Variants in EDDM13 observed in about 807,000 individuals in gnomAD.
EDDM13 encodes the protein epididymal protein 13.
Under a neutral mutation model 17.8 loss-of-function variants are expected in EDDM13, and 24 were observed. The observed-to-expected ratio is 1.35, with a 90% CI of 0.98 to 1.90. EDDM13 has a LOEUF of 1.90. Among genes scored for constraint, EDDM13 ranks in the 40% most tolerant of loss-of-function variants. The pLI is 0.00. For synonymous variants in EDDM13, 31 were observed against 37.5 expected (o/e 0.83, Z 0.63); for missense variants, 97 against 100.8 (o/e 0.96, Z 0.16).
At chr19:56,301,194 C>G (rs1175929947) in intron 12 of EDDM13, among the ~76,000 whole-genome samples, 1 of 152,178 alleles carries the variant, frequency 6.6e-6, no homozygotes, top group Non-Finnish European at 1.5e-5. Flanking sequence ...ACTGGCTACT[C>G]CATAGGCAGA....
chr19:56,296,773 C>T (rs538839733), intron 11 of EDDM13, among the ~76,000 whole-genome samples: 1 of 152,096 alleles, frequency 6.6e-6, no homozygotes, highest in Non-Finnish European at 1.5e-5. Context: ...GTGGCTCATG[C>T]CTGTAATCCC....
intron 2 of EDDM13, among the ~76,000 whole-genome samples, chr19:56,278,096 G>A (rs2038400485): frequency 7.9e-6 from 1 of 127,040 alleles, no homozygotes. Context: ...CTGTCACAAT[G>A]TGCTATTTTT....
intron 1 of EDDM13, among the ~76,000 whole-genome samples, chr19:56,273,650 T>C (rs2038023239): frequency 6.6e-6 from 1 of 152,070 alleles, no homozygotes; most frequent in South Asian, 2.1e-4. Flanking sequence ...CAGAAGGCAC[T>C]GAGTCCCTCC....
At chr19:56,298,933 CCTAGA>C (rs746723759) in intron 12 of EDDM13, among the ~76,000 whole-genome samples, 1 of 152,112 alleles carries the variant, frequency 6.6e-6, no homozygotes, top group African/African-American at 2.4e-5. Flanking sequence ...GATGGAAAAT[CCTAGA>C]CTAAATATTA....
intron 8 of EDDM13, among the ~76,000 whole-genome samples, chr19:56,290,137 T>G (rs1402607406): frequency 1.3e-5 from 2 of 152,228 alleles, no homozygotes; most frequent in Non-Finnish European, 2.9e-5. Context: ...ACCTTCTGCA[T>G]GAGAATACCA....
At chr19:56,287,904 G>T (rs1433863970) in intron 6 of EDDM13, among the ~76,000 whole-genome samples, 3 of 152,210 alleles carry the variant, frequency 2.0e-5, no homozygotes, top group Non-Finnish European at 2.9e-5. Context: ...AAGCTACAGT[G>T]ACCAGCTCGT....
chr19:56,289,448 C>T (rs1169414531), intron 8 of EDDM13, among the ~76,000 whole-genome samples: 4 of 152,100 alleles, frequency 2.6e-5, no homozygotes, highest in Admixed American at 6.5e-5. Context: ...GGAAGACAGA[C>T]GTATTTATAC....
At chr19:56,302,434 T>C (rs1600234021) in intron 13 of EDDM13, among the ~76,000 whole-genome samples, 2 of 112,932 alleles carry the variant, frequency 1.8e-5, no homozygotes, top group Admixed American at 8.6e-5. Flanking sequence ...CTTTCTCCCT[T>C]CCTTCCTTTC....
rs890130956 is a variant in EDDM13, at chr19:56,274,742, C to T, written c.86-1350C>T. ...TATTTGAGGATCCAATCCAGGATCC[C>T]ACCTTGTATTTTCAATTAAGTTTTT... On this transcript the variant is annotated intron_variant, in intron 1 of 14. Transcript: ENST00000649256. The T allele has an allele frequency of 2.7e-5, 4 of 147,728 alleles. No individual in the cohort carries two copies. The East Asian group carries it at 7.8e-4, about 29-fold the overall frequency. The allele number at this position is 147,728 out of a possible 1,614,324, so 9.2% of individuals were successfully genotyped here.
At chr19:56,278,302 T>C (rs1294924613) in intron 2 of EDDM13, among the ~76,000 whole-genome samples, 3 of 152,152 alleles carry the variant, frequency 2.0e-5, no homozygotes, top group African/African-American at 7.2e-5. Context: ...CCTGGCTAAT[T>C]TTTGTATATT....
At chr19:56,278,217 G>T (rs1256853697) in intron 2 of EDDM13, among the ~76,000 whole-genome samples, 1 of 152,060 alleles carries the variant, frequency 6.6e-6, no homozygotes, top group East Asian at 1.9e-4. Flanking sequence ...TGCCTCCTGG[G>T]TTCAAGCAAT....
At chr19:56,302,128 T>C in intron 13 of EDDM13, 33 bp downstream of exon 13, 1 of 1,226,878 alleles carries the variant, frequency 8.2e-7, no homozygotes, top group East Asian at 3.2e-5. Flanking sequence ...GGGAGGAGTG[T>C]GAGGAGAGGA....
intron 9 of EDDM13, among the ~76,000 whole-genome samples, chr19:56,291,250 C>T (rs554843166): frequency 3.7e-4 from 57 of 152,268 alleles, no homozygotes; most frequent in Admixed American, 2.2e-3. Flanking sequence ...TCCTGACCCT[C>T]GGGGGAGAAA....
intron 4 of EDDM13, 36 bp from the exon 5 acceptor site, chr19:56,284,162 C>A: frequency 1.0e-6 from 1 of 985,422 alleles, no homozygotes; most frequent in Non-Finnish European, 1.2e-6. Flanking sequence ...GTAACCTTGG[C>A]CACCATGCTG....
At chr19:56,305,004 C>T (rs1006127141) in intron 14 of EDDM13, among the ~76,000 whole-genome samples, 174 bp downstream of exon 14, 1 of 152,172 alleles carries the variant, frequency 6.6e-6, no homozygotes, top group Non-Finnish European at 1.5e-5. Context: ...TTGCAAGCCA[C>T]TGCCTGACAG....
At chr19:56,292,593 A>T (rs535780692) in intron 9 of EDDM13, among the ~76,000 whole-genome samples, 1 of 151,334 alleles carries the variant, frequency 6.6e-6, no homozygotes, top group African/African-American at 2.4e-5. Context: ...CACCTTAACC[A>T]CTTTAAAGTG....
chr19:56,278,038 G>GA (rs2147027849), intron 2 of EDDM13, among the ~76,000 whole-genome samples: 1 of 151,690 alleles, frequency 6.6e-6, no homozygotes, highest in Non-Finnish European at 1.5e-5. Flanking sequence ...AAATCTCTTT[G>GA]ATGTCTAGTT....
intron 12 of EDDM13, among the ~76,000 whole-genome samples, chr19:56,298,914 A>G (rs1258012977): frequency 6.6e-6 from 1 of 152,224 alleles, no homozygotes; most frequent in African/African-American, 2.4e-5. Context: ...AATCTTCCTC[A>G]TAAATATAGA....
chr19:56,276,514 T>C (rs1036967413), intron 2 of EDDM13, among the ~76,000 whole-genome samples: 1 of 149,104 alleles, frequency 6.7e-6, no homozygotes, highest in African/African-American at 2.4e-5. Context: ...CTCTTTTTTT[T>C]TTTTTCCAGT....
Sources: gnomAD v4.1 joint callset for allele counts (sites outside exome capture counted in the v4.1 genomes callset) on GRCh38, gnomAD v4.1.1 for gene constraint, MANE v1.5 for transcripts, NCBI Gene and HGNC (gene_info 2026-07-23, HGNC 2026-07-21) for gene names.